SGCZ: variants seen among roughly 807,000 people sequenced by gnomAD.
The protein encoded by SGCZ is zeta-sarcoglycan.
A neutral mutation model predicts 41.3 loss-of-function variants in SGCZ; 40 were observed. That is an observed-to-expected ratio of 0.97 (90% CI 0.75 to 1.26). The LOEUF (loss-of-function observed/expected upper bound fraction) is 1.26, where lower values mean the gene tolerates loss of function less well. SGCZ is among the 50% of genes most tolerant of loss of function. The pLI is 0.00. For synonymous variants in SGCZ, 206 were observed against 137.5 expected (o/e 1.50, Z -3.49); for missense variants, 552 against 369.8 (o/e 1.49, Z -4.04).
chr8:15,173,280 T>TG (rs1257873838), intron 1 of SGCZ, among the ~76,000 whole-genome samples: 8 of 152,216 alleles, frequency 5.3e-5, no homozygotes, highest in African/African-American at 1.9e-4. Flanking sequence ...TTCACATTAT[T>TG]GTGAAACAGA....
intron 3 of SGCZ, among the ~76,000 whole-genome samples, chr8:14,294,861 C>T (rs749116327): frequency 4.6e-5 from 7 of 151,992 alleles, no homozygotes; most frequent in Non-Finnish European, 1.0e-4. Context: ...AGTGCACTGC[C>T]ACTAAGTGCC....
rs1207470198 is a variant in SGCZ at position 14,132,445 on chromosome 8, T to C, written c.548-24210A>G. On this transcript the variant is annotated intron_variant, in intron 5 of 7. Transcript: ENST00000382080. Reference sequence around the variant, plus strand: ...TTGTCTTCCAGCTATCCAAAGTCCTTTGTACCTAAGACAACCACCATTACT... The same window carrying C: ...TTGTCTTCCAGCTATCCAAAGTCCTCTGTACCTAAGACAACCACCATTACT... Among the ~76,000 whole-genome samples, 8 of 152,308 alleles carry C rather than the reference T, an allele frequency of 5.3e-5. No homozygotes were observed. In the East Asian group the frequency reaches 1.5e-3, roughly 29 times the overall value.
chr8:15,117,909 T>C (rs947722022), intron 1 of SGCZ, among the ~76,000 whole-genome samples: 6 of 152,240 alleles, frequency 3.9e-5, no homozygotes, highest in Non-Finnish European at 7.3e-5. Flanking sequence ...AGGTATTAAT[T>C]GCTGTCTTAA....
At chr8:15,012,198 G>A (rs1383578990) in intron 1 of SGCZ, among the ~76,000 whole-genome samples, 2 of 151,966 alleles carry the variant, frequency 1.3e-5, no homozygotes, top group African/African-American at 4.8e-5. Context: ...CATGGTGGTG[G>A]ATGCCTGTAA....
chr8:14,220,509 T>C (rs529561559), intron 4 of SGCZ, among the ~76,000 whole-genome samples: 9 of 152,260 alleles, frequency 5.9e-5, no homozygotes, highest in African/African-American at 2.2e-4. Flanking sequence ...GCCTTCACTT[T>C]GTAAAAATCC....
At chr8:14,831,337 A>G (rs916844800) in intron 1 of SGCZ, among the ~76,000 whole-genome samples, 3 of 152,168 alleles carry the variant, frequency 2.0e-5, no homozygotes, top group Non-Finnish European at 4.4e-5. Context: ...GAAGAGGACT[A>G]TACTTATTCC....
intron 1 of SGCZ, among the ~76,000 whole-genome samples, chr8:14,868,395 T>C (rs548637546): frequency 2.0e-5 from 3 of 152,158 alleles, no homozygotes; most frequent in African/African-American, 7.2e-5. Context: ...TTCTGCTACA[T>C]TGCTGACCAA....
chr8:14,770,491 A>C (rs1490716060), intron 1 of SGCZ, among the ~76,000 whole-genome samples: 1 of 151,862 alleles, frequency 6.6e-6, no homozygotes, highest in African/African-American at 2.4e-5. Flanking sequence ...GGAAACTGAA[A>C]TATTATAAAC....
chr8:14,464,761 G>A (rs1216266511), intron 2 of SGCZ, among the ~76,000 whole-genome samples: 2 of 151,190 alleles, frequency 1.3e-5, no homozygotes, highest in East Asian at 3.9e-4. Flanking sequence ...TGATTTTGGT[G>A]TATTCTTTAA....
Position 14,200,732 on chromosome 8 carries a change from T to A in SGCZ, c.425-36030A>T, listed in dbSNP as rs548425515. Among the ~76,000 whole-genome samples, 611 of 152,270 alleles carry A rather than the reference T, an allele frequency of 4.0e-3. 4 individuals carry two copies. Among genetic ancestry groups the A allele is most frequent in the African/African-American group, 0.014 (579 of 41,560 alleles). The stretch of plus-strand genomic sequence containing the variant: ...GCATAGAATAAAGTCTTTGTGACCT[T>A]GAGTGAGTCAATGATCTTATTAACT... On this transcript the variant is annotated intron_variant, in intron 4 of 7. Coordinates refer to ENST00000382080, the MANE Select transcript of SGCZ (RefSeq NM_139167.4).
chr8:14,432,532 G>A (rs73517445), intron 2 of SGCZ, among the ~76,000 whole-genome samples: 1 of 152,144 alleles, frequency 6.6e-6, no homozygotes, highest in Non-Finnish European at 1.5e-5. Context: ...TCAGGGTAAA[G>A]GGTGAGAAGG....
At chr8:14,167,422 G>T (rs1358252248) in intron 4 of SGCZ, among the ~76,000 whole-genome samples, 1 of 152,062 alleles carries the variant, frequency 6.6e-6, no homozygotes, top group Non-Finnish European at 1.5e-5. Context: ...TAGATCATAG[G>T]TGATGGGATT....
At chr8:14,110,893 C>T (rs1489496827) in intron 5 of SGCZ, among the ~76,000 whole-genome samples, 1 of 151,982 alleles carries the variant, frequency 6.6e-6, no homozygotes, top group Non-Finnish European at 1.5e-5. Context: ...CTCCTCTCTA[C>T]TAAAAATACA....
At chr8:14,193,154 T>G (rs1462749589) in intron 4 of SGCZ, among the ~76,000 whole-genome samples, 3 of 151,900 alleles carry the variant, frequency 2.0e-5, no homozygotes, top group Non-Finnish European at 4.4e-5. Flanking sequence ...TGGATTCATA[T>G]GATGTGAAAT....
At chr8:14,775,722 T>C (rs1310640118) in intron 1 of SGCZ, among the ~76,000 whole-genome samples, 3 of 152,186 alleles carry the variant, frequency 2.0e-5, no homozygotes, top group African/African-American at 4.8e-5. Context: ...TGTGAAGTCA[T>C]TTTGAAAAGA....
At chr8:14,313,984 G>A (rs1343474503) in intron 3 of SGCZ, among the ~76,000 whole-genome samples, 1 of 150,176 alleles carries the variant, frequency 6.7e-6, no homozygotes, top group African/African-American at 2.4e-5. Context: ...AAAACCACAG[G>A]TAATTCTTAA....
chr8:14,474,129 G>T (rs1451072017), intron 2 of SGCZ, among the ~76,000 whole-genome samples: 1 of 152,022 alleles, frequency 6.6e-6, no homozygotes, highest in African/African-American at 2.4e-5. Flanking sequence ...CCTGCAACTG[G>T]GAAGAGTGAC....
intron 1 of SGCZ, among the ~76,000 whole-genome samples, chr8:14,838,020 C>T (rs1010601745): frequency 9.2e-5 from 14 of 151,952 alleles, no homozygotes; most frequent in African/African-American, 3.4e-4. Flanking sequence ...AAAAAAAGAA[C>T]AAAATCCTAT....
intron 1 of SGCZ, among the ~76,000 whole-genome samples, chr8:15,182,704 T>C (rs189118439): frequency 6.0e-4 from 91 of 152,318 alleles, no homozygotes; most frequent in Middle Eastern, 3.4e-3. Flanking sequence ...TATACCACCG[T>C]AGACTTTATA....
Sources: allele counts gnomAD v4.1 joint callset (sites outside exome capture counted in the v4.1 genomes callset), GRCh38; gene constraint gnomAD v4.1.1; transcripts MANE v1.5; gene names NCBI Gene and HGNC (gene_info 2026-07-23, HGNC 2026-07-21).